METTL15: variants seen among roughly 807,000 people sequenced by gnomAD.
METTL15 encodes the protein 12S rRNA N(4)-cytidine methyltransferase METTL15.
Under a neutral mutation model 38.3 loss-of-function variants are expected in METTL15, and 34 were observed. The observed-to-expected ratio is 0.89, with a 90% confidence interval of 0.68 to 1.18. The LOEUF is 1.18. METTL15 is among the 50% of genes most tolerant of loss of function. The probability of loss-of-function intolerance (pLI) is 0.00; values close to 1 mark genes in which losing one functional copy is unlikely to be tolerated. For missense variants in METTL15, 438 were observed against 498.4 expected, an observed-to-expected ratio of 0.88 and a Z score of 1.15; for synonymous variants, 162 against 170.9, an observed-to-expected ratio of 0.95 and a Z score of 0.41.
At chr11:28,236,283 C>T (rs1045548419) in intron 4 of METTL15, among the ~76,000 whole-genome samples, 2 of 152,058 alleles carry the variant, frequency 1.3e-5, no homozygotes, top group African/African-American at 4.8e-5. Context: ...TTGGTTGTGT[C>T]TCTGCCTGGC....
rs377704458 is a variant in METTL15, at chr11:28,211,332, A to G, written c.407+134A>G. 133 of 715,104 alleles carry G rather than the reference A, an allele frequency of 1.9e-4. 2 individuals carry two copies. In the South Asian group the frequency reaches 4.3e-3, roughly 23 times the overall value. 44.3% of individuals were successfully genotyped at this position (715,104 alleles called of 1,614,324 possible). On this transcript the variant is annotated intron_variant, in intron 4 of 6. Coordinates refer to ENST00000407364, the MANE Select transcript of METTL15 (RefSeq NM_001113528.2). ...TAAATATTTTCTTCTTTTTTCCCCA[A>G]AAAGAATTAATGTAAGTGATGTTTT...
At chr11:28,466,826 C>T (rs1364533687) in intron 6 of METTL15, among the ~76,000 whole-genome samples, 2 of 152,146 alleles carry the variant, frequency 1.3e-5, no homozygotes, top group African/African-American at 2.4e-5. Flanking sequence ...CATTTAGGCT[C>T]CATGGTTTGT....
chr11:28,141,733 C>A (rs112277096), intron 3 of METTL15, among the ~76,000 whole-genome samples: 4 of 152,012 alleles, frequency 2.6e-5, no homozygotes, highest in African/African-American at 7.2e-5. Flanking sequence ...AAAATAAAAT[C>A]TTGTGACTCC....
chr11:28,211,137 T>C lies in METTL15; in HGVS notation c.346T>C (p.Tyr116His), dbSNP rs750995272. Residue 116 changes from tyrosine (Y) to histidine (H), a missense_variant, in exon 4 of 7, where the codon TAT (tyrosine) becomes CAT (histidine). By Grantham distance (83) the Tyr-to-His change is moderately conservative. Coordinates refer to ENST00000407364, the MANE Select transcript of METTL15 (RefSeq NM_001113528.2). ...ILQKESDIVL[Y>H]ALDRDPTAYA... ...GCAGAAGGAGTCAGATATTGTTCTCTATGCCTTGGACAGAGACCCAACAGC... is the reference window on the plus strand; with the variant it reads ...GCAGAAGGAGTCAGATATTGTTCTCCATGCCTTGGACAGAGACCCAACAGC... The C allele has an allele frequency of 2.9e-5, 46 of 1,613,066 alleles. 1 individual carries two copies. The South Asian group carries it at 4.5e-4, about 16-fold the overall frequency.
chr11:28,144,962 C>A, intron 3 of METTL15: 1 of 207,592 alleles, frequency 4.8e-6, no homozygotes, highest in South Asian at 9.7e-5. Context: ...ATTTACACCT[C>A]AGTGGCCACT....
intron 3 of METTL15, among the ~76,000 whole-genome samples, chr11:28,120,817 A>G (rs1195634469): frequency 6.6e-6 from 1 of 152,120 alleles, no homozygotes; most frequent in East Asian, 1.9e-4. Context: ...TTTCTCTGCA[A>G]AGTTATTCAC....
At chr11:28,174,577 G>C (rs1850981395) in intron 3 of METTL15, among the ~76,000 whole-genome samples, 1 of 151,986 alleles carries the variant, frequency 6.6e-6, no homozygotes, top group Admixed American at 6.6e-5. Context: ...CACTTTGGGA[G>C]GCTGAGGCGG....
intron 6 of METTL15, among the ~76,000 whole-genome samples, chr11:28,440,123 G>A (rs1851021549): frequency 6.6e-6 from 1 of 152,034 alleles, no homozygotes; most frequent in African/African-American, 2.4e-5. Flanking sequence ...GCCATGACTG[G>A]GGAACTGATC....
intron 4 of METTL15, among the ~76,000 whole-genome samples, chr11:28,357,137 A>G (rs1850097368): frequency 6.6e-6 from 1 of 152,184 alleles, no homozygotes. Flanking sequence ...GGGGTGTGTC[A>G]CTTGTAAGGC....
chr11:28,123,881 A>T (rs981235323), intron 3 of METTL15: 69 of 1,472,588 alleles, frequency 4.7e-5, no homozygotes, highest in Non-Finnish European at 6.3e-5. Context: ...TAAACTGTGG[A>T]TATTTAATAT....
intron 5 of METTL15, among the ~76,000 whole-genome samples, chr11:28,388,797 C>T (rs1850469073): frequency 6.6e-6 from 1 of 152,044 alleles, no homozygotes; most frequent in Admixed American, 6.6e-5. Flanking sequence ...CGTCGTTTAA[C>T]ATTAGGTATA....
At chr11:28,370,413 A>G (rs1046236855) in intron 5 of METTL15, among the ~76,000 whole-genome samples, 20 of 151,976 alleles carry the variant, frequency 1.3e-4, no homozygotes, top group African/African-American at 4.3e-4. Context: ...TGGCTGAATA[A>G]TATTCCATGA....
intron 6 of METTL15, among the ~76,000 whole-genome samples, chr11:28,500,085 A>C (rs891053260): frequency 6.6e-6 from 1 of 151,916 alleles, no homozygotes; most frequent in African/African-American, 2.4e-5. Flanking sequence ...ACCAAGATGA[A>C]GTCCTGATGC....
intron 6 of METTL15, among the ~76,000 whole-genome samples, chr11:28,429,252 A>G (rs946497024): frequency 2.6e-5 from 4 of 152,206 alleles, no homozygotes; most frequent in African/African-American, 9.6e-5. Context: ...GAGATAATGT[A>G]TGTCCTTAGA....
At position 28,514,533 on chromosome 11, in the gene METTL15, G is replaced by C. The variant is rs1169240842; in HGVS notation, c.*425-11945G>C. On this transcript the variant is annotated intron_variant and NMD_transcript_variant, in intron 6 of 7. Coordinates refer to the METTL15 transcript ENST00000532947. ...ATTCCCTTTGTGGTTTAAATCAGTT[G>C]ATCTGAGTTTTGAATTGCTATTACT... Among the ~76,000 whole-genome samples the C allele has an allele frequency of 2.0e-5, 3 of 152,276 alleles. No homozygotes were observed. In the East Asian group the frequency reaches 5.8e-4, roughly 29 times the overall value.
chr11:28,290,205 G>C lies in METTL15; in HGVS notation c.408-1G>C. On this transcript the variant is annotated splice_acceptor_variant, in intron 4 of 6. Transcript: ENST00000407364. LOFTEE classifies it high-confidence loss of function. ...TCTCTATCTCCTGGGTTTACTCACA[G>C]TAAACAAATCCGAGCTATGCTGGGC... is the stretch of plus-strand genomic sequence containing the variant. 1 of 1,606,124 alleles carries C rather than the reference G, an allele frequency of 6.2e-7. No homozygotes were observed. The highest frequency in any genetic ancestry group is 8.5e-7 in the Non-Finnish European group (1 of 1,176,000).
chr11:28,372,960 T>A (rs1200274038), intron 5 of METTL15, among the ~76,000 whole-genome samples: 3 of 151,604 alleles, frequency 2.0e-5, no homozygotes, highest in Middle Eastern at 3.2e-3. Flanking sequence ...CATCATTTTT[T>A]ATGGCTGCAT....
intron 6 of METTL15, among the ~76,000 whole-genome samples, chr11:28,483,863 A>G (rs932873447): frequency 2.0e-5 from 3 of 152,212 alleles, no homozygotes; most frequent in African/African-American, 7.2e-5. Context: ...TGATAACATA[A>G]TGTGTACACC....
chr11:28,395,584 A>G (rs1850559407), intron 5 of METTL15, among the ~76,000 whole-genome samples: 1 of 152,130 alleles, frequency 6.6e-6, no homozygotes, highest in African/African-American at 2.4e-5. Context: ...ACAGACCAAT[A>G]GCAGGCTGAA....
Sources: gnomAD v4.1 joint callset for allele counts (sites outside exome capture counted in the v4.1 genomes callset) on GRCh38, gnomAD v4.1.1 for gene constraint, MANE v1.5 for transcripts, NCBI Gene and HGNC (gene_info 2026-07-23, HGNC 2026-07-21) for gene names.